KLF12: variants seen among roughly 807,000 people sequenced by gnomAD.
The protein encoded by KLF12 is Krueppel-like factor 12.
A neutral mutation model predicts 37.8 loss-of-function variants in KLF12; 9 were observed. That is an observed-to-expected ratio of 0.24 (90% CI 0.14 to 0.42). The LOEUF is 0.42. KLF12 is among the 10% of genes least tolerant of loss of function. The pLI, the probability that KLF12 is intolerant of heterozygous loss-of-function variation, is 1.00. For missense variants in KLF12, 411 were observed against 516.0 expected, an observed-to-expected ratio of 0.80 and a Z score of 1.97; for synonymous variants, 208 against 202.1, an observed-to-expected ratio of 1.03 and a Z score of -0.25.
chr13:73,876,031 T>G (rs1306628809), intron 3 of KLF12, among the ~76,000 whole-genome samples: 2 of 152,182 alleles, frequency 1.3e-5, no homozygotes, highest in Non-Finnish European at 2.9e-5. Flanking sequence ...GTATTAATTT[T>G]CTATTGCTAC....
chr13:73,881,521 G>A (rs1886978338), intron 3 of KLF12, among the ~76,000 whole-genome samples: 1 of 151,932 alleles, frequency 6.6e-6, no homozygotes, highest in Admixed American at 6.6e-5. Context: ...CCAGAGTCAG[G>A]AGAATTTCAT....
chr13:73,786,956 G>T (rs754098599), intron 5 of KLF12, among the ~76,000 whole-genome samples: 1 of 151,698 alleles, frequency 6.6e-6, no homozygotes, highest in African/African-American at 2.4e-5. Context: ...ACAAAACAAA[G>T]CAAGAACAAG....
chr13:74,097,817 A>C (rs1249981648), intron 1 of KLF12, among the ~76,000 whole-genome samples: 1 of 151,844 alleles, frequency 6.6e-6, no homozygotes, highest in Admixed American at 6.6e-5. Flanking sequence ...TAATTTCCCC[A>C]CACTTCAGAC....
At chr13:74,122,958 A>AC (rs1178938821) in intron 1 of KLF12, among the ~76,000 whole-genome samples, 3 of 94,876 alleles carry the variant, frequency 3.2e-5, no homozygotes, top group Non-Finnish European at 6.7e-5. Flanking sequence ...AAAACAGGTC[A>AC]CTAAAAAAAA....
intron 2 of KLF12, among the ~76,000 whole-genome samples, chr13:73,969,987 C>T (rs1891282718): frequency 6.6e-6 from 1 of 152,172 alleles, no homozygotes; most frequent in African/African-American, 2.4e-5. Flanking sequence ...TGACAAATCC[C>T]ACAGTGCTTA....
the KLF12 span, among the ~76,000 whole-genome samples, chr13:74,239,110 G>C: frequency 7.0e-6 from 1 of 143,308 alleles, no homozygotes; most frequent in Non-Finnish European, 1.5e-5. Flanking sequence ...ACACTGCTTT[G>C]AATGCGTCCC....
At chr13:74,273,794 G>A in the KLF12 span, among the ~76,000 whole-genome samples, 2 of 152,086 alleles carry the variant, frequency 1.3e-5, no homozygotes, top group South Asian at 2.1e-4. Context: ...ATAGTACAAG[G>A]ATTACATAAT....
chr13:73,924,602 A>T (rs1889290701), intron 3 of KLF12, among the ~76,000 whole-genome samples: 1 of 152,060 alleles, frequency 6.6e-6, no homozygotes, highest in Non-Finnish European at 1.5e-5. Flanking sequence ...TGAGACATTA[A>T]GTATTGAAAT....
rs1167313562 is a variant in KLF12, at chr13:73,691,847, T to C, written c.*3643A>G. The C allele has an allele frequency of 2.6e-5, 4 of 152,610 alleles. No homozygotes were observed. The highest frequency in any genetic ancestry group is 7.2e-5 in the African/African-American group (3 of 41,454). 9.5% of individuals were successfully genotyped at this position (152,610 alleles called of 1,614,324 possible). On this transcript the variant is annotated 3_prime_UTR_variant, in exon 8 of 8. Transcript: ENST00000377669. ...GATGGCAATTTAAAGTTAAAAAGAA[T>C]TGTATAAAAATGAACACAATCTTTG...
the KLF12 span, among the ~76,000 whole-genome samples, chr13:74,144,414 T>C: frequency 6.6e-6 from 1 of 152,308 alleles, no homozygotes; most frequent in East Asian, 1.9e-4. Flanking sequence ...ACACAAAGCA[T>C]GGCCATTAAC....
At chr13:73,813,359 C>G in intron 4 of KLF12, 72 bp from the exon 5 acceptor site, 3 of 1,526,292 alleles carry the variant, frequency 2.0e-6, no homozygotes, top group Non-Finnish European at 2.7e-6. Flanking sequence ...GGACCAACAT[C>G]AAGTATGGAA....
At chr13:73,743,059 C>T (rs987244584) in intron 6 of KLF12, among the ~76,000 whole-genome samples, 7 of 151,590 alleles carry the variant, frequency 4.6e-5, no homozygotes, top group African/African-American at 1.7e-4. Flanking sequence ...TCATCCCTTT[C>T]GTAGTCTTTT....
At chr13:74,066,342 C>T (rs1357481999) in intron 1 of KLF12, among the ~76,000 whole-genome samples, 1 of 152,144 alleles carries the variant, frequency 6.6e-6, no homozygotes, top group African/African-American at 2.4e-5. Flanking sequence ...ATATCCATTA[C>T]CAACTCGTAA....
intron 1 of KLF12, among the ~76,000 whole-genome samples, chr13:73,996,912 G>C (rs1892137208): frequency 6.6e-6 from 1 of 152,128 alleles, no homozygotes; most frequent in African/African-American, 2.4e-5. Context: ...CTGATCAGAG[G>C]TAAATTTTAT....
At position 73,950,640 on chromosome 13, in the gene KLF12, A is replaced by C. The variant is rs115018143; in HGVS notation, c.34-6570T>G. Among the ~76,000 whole-genome samples, 802 of 152,302 alleles carry C rather than the reference A, an allele frequency of 5.3e-3. 9 individuals carry two copies. The highest frequency in any genetic ancestry group is 0.018 in the African/African-American group (759 of 41,550). On this transcript the variant is annotated intron_variant, in intron 2 of 7. Transcript: ENST00000377669. ...TAAGAGGAGTGTTCAGAAAGCAAGA[A>C]AACATCATGGCAAGAGAAGTATTAA...
At chr13:74,288,356 A>G in the KLF12 span, among the ~76,000 whole-genome samples, 1 of 152,206 alleles carries the variant, frequency 6.6e-6, no homozygotes, top group Non-Finnish European at 1.5e-5. Flanking sequence ...CCAAACACAG[A>G]CGATGAGTTT....
chr13:73,920,498 A>G (rs913158921), intron 3 of KLF12, among the ~76,000 whole-genome samples: 1 of 152,174 alleles, frequency 6.6e-6, no homozygotes, highest in South Asian at 2.1e-4. Flanking sequence ...TAACATACAA[A>G]CTTTCAAAAT....
At chr13:73,712,409 T>C (rs1875475690) in intron 7 of KLF12, among the ~76,000 whole-genome samples, 1 of 148,508 alleles carries the variant, frequency 6.7e-6, no homozygotes, top group African/African-American at 2.5e-5. Flanking sequence ...AATCTCATGA[T>C]AAAACTTGAA....
chr13:74,020,657 G>A (rs561045946), intron 1 of KLF12, among the ~76,000 whole-genome samples: 2 of 152,226 alleles, frequency 1.3e-5, no homozygotes, highest in South Asian at 4.2e-4. Flanking sequence ...TTGGGAGGCC[G>A]AGGCGGGTGG....
Sources: gnomAD v4.1 joint callset for allele counts (sites outside exome capture counted in the v4.1 genomes callset) on GRCh38, gnomAD v4.1.1 for gene constraint, MANE v1.5 for transcripts, NCBI Gene and HGNC (gene_info 2026-07-23, HGNC 2026-07-21) for gene names.